Variants in FBXL15 observed in about 807,000 individuals in gnomAD.
FBXL15 encodes the protein F-box and leucine rich repeat protein 15, also known as F-box/LRR-repeat protein 15.
In FBXL15, 19 loss-of-function variants were observed where a neutral mutation model predicts 23.6. The observed-to-expected ratio is 0.81, with a 90% CI of 0.56 to 1.18. The LOEUF (loss-of-function observed/expected upper bound fraction) is 1.18, where lower values mean the gene tolerates loss of function less well. FBXL15 is among the 50% of genes most tolerant of loss of function. FBXL15 has a pLI of 0.00. For synonymous variants in FBXL15, 224 were observed against 207.7 expected (o/e 1.08, Z -0.67); for missense variants, 385 against 425.4 (o/e 0.91, Z 0.83).
intron 1 of FBXL15, 22 bp downstream of exon 1, chr10:102,421,204 G>A (rs369207521): frequency 4.4e-6 from 7 of 1,602,800 alleles, no homozygotes; most frequent in Middle Eastern, 1.7e-4. Flanking sequence ...CGGAGGGGCC[G>A]AGAGGGAAGA....
chr10:102,421,437 G>A lies in FBXL15; in HGVS notation c.137G>A (p.Arg46His). 6.5e-7 allele frequency: 1 copy of A among 1,549,296 alleles called. No homozygotes were observed. Among genetic ancestry groups the A allele is most frequent in the Non-Finnish European group, 8.7e-7 (1 of 1,149,852 alleles). Residue 46 changes from arginine (R) to histidine (H), a missense_variant, in exon 2 of 4, where the codon CGC (arginine) becomes CAC (histidine). By Grantham distance (29) the Arg-to-His change is conservative. This residue lies in a region of FBXL15 where 130 missense variants were observed against 95.1 expected (regional missense o/e 1.37). Transcript: ENST00000369956. ...VPLRQLLRLQ[R>H]VSRAFRSLVQ... ...CTGCGCCAGCTGCTCCGGCTGCAGC[G>A]CGTTAGCCGGGCCTTCCGGTCGCTG...
chr10:102,421,038 G>A lies in FBXL15; in HGVS notation c.-92G>A. The stretch of plus-strand genomic sequence containing the variant: ...GGTGAGACGGCACTCGATTAAATAG[G>A]TCTGTCTCTACAGGCCAAGGAGGCG... On this transcript the variant is annotated 5_prime_UTR_variant, in exon 1 of 4. Coordinates refer to ENST00000369956, the MANE Select transcript of FBXL15 (RefSeq NM_024326.4). The A allele has an allele frequency of 6.4e-7, 1 of 1,551,992 alleles. No individual in the cohort carries two copies. Among genetic ancestry groups the A allele is most frequent in the Non-Finnish European group, 8.7e-7 (1 of 1,147,474 alleles).
intron 3 of FBXL15, 32 bp from the exon 4 acceptor site, chr10:102,422,772 A>G: frequency 6.3e-7 from 1 of 1,580,032 alleles, no homozygotes; most frequent in South Asian, 1.1e-5. Flanking sequence ...TGGTGGCCTC[A>G]TGTCCCTAGC....
chr10:102,423,074 C>T lies in FBXL15; in HGVS notation c.*81C>T. On this transcript the variant is annotated 3_prime_UTR_variant, in exon 4 of 4. Coordinates refer to ENST00000369956, the MANE Select transcript of FBXL15 (RefSeq NM_024326.4). The surrounding 1 kb of genome is among the most constrained non-coding windows in gnomAD (Gnocchi z 5.6). Reference sequence around the variant, plus strand: ...TGTAGGGAAACTGAACTGTGAGGACCTCTGGTGAGAGGCCAGTGCCCTGCC... The same window carrying T: ...TGTAGGGAAACTGAACTGTGAGGACTTCTGGTGAGAGGCCAGTGCCCTGCC... The T allele has an allele frequency of 7.1e-7, 1 of 1,402,588 alleles. No individual in the cohort carries two copies. Among genetic ancestry groups the T allele is most frequent in the Non-Finnish European group, 9.5e-7 (1 of 1,049,536 alleles). The allele number at this position is 1,402,588 out of a possible 1,614,324, so 86.9% of individuals were successfully genotyped here.
In FBXL15 at chr10:102,422,310, G is replaced by A. The variant is rs2061574328; in HGVS notation, c.713+18G>A. 2 of 1,491,584 alleles carry A rather than the reference G, an allele frequency of 1.3e-6. No individual in the cohort carries two copies. Among genetic ancestry groups the A allele is most frequent in the Non-Finnish European group, 1.8e-6 (2 of 1,121,688 alleles). 92.4% of individuals were successfully genotyped at this position (1,491,584 alleles called of 1,614,324 possible). A position where few individuals can be genotyped will look rare whatever the true frequency, so the allele number is the denominator to read the frequency against. On this transcript the variant is annotated intron_variant, in intron 3 of 3. Coordinates refer to ENST00000369956, the MANE Select transcript of FBXL15 (RefSeq NM_024326.4). ...GGTGTCAGGTGCCTGGGCCTGATAG[G>A]GCGGGAGGAGGGCAGTCACTTAGCC...
chr10:102,420,876 A>C lies in FBXL15; in HGVS notation c.-254A>C. On this transcript the variant is annotated 5_prime_UTR_variant, in exon 1 of 4. Transcript: ENST00000369956. ...CTGGCTCAAGAGGACGACAGAAGCC[A>C]GTCTCTGATGCCCACCGCATTCTCC... The C allele has an allele frequency of 7.3e-7, 1 of 1,374,520 alleles. No individual in the cohort carries two copies. Among genetic ancestry groups the C allele is most frequent in the Non-Finnish European group, 9.4e-7 (1 of 1,062,318 alleles). 85.1% of individuals were successfully genotyped at this position (1,374,520 alleles called of 1,614,324 possible). A position where few individuals can be genotyped will look rare whatever the true frequency, so the allele number is the denominator to read the frequency against.
At chr10:102,421,207 A>G in intron 1 of FBXL15, 25 bp downstream of exon 1, 1 of 1,602,288 alleles carries the variant, frequency 6.2e-7, no homozygotes, top group Non-Finnish European at 8.5e-7. Context: ...AGGGGCCGAG[A>G]GGGAAGAGGA....
Sources: allele counts gnomAD v4.1 joint callset, GRCh38; gene constraint gnomAD v4.1.1; regional missense constraint gnomAD v4.1.1; non-coding constraint Gnocchi (gnomAD v3.1); transcripts MANE v1.5; gene names NCBI Gene and HGNC (gene_info 2026-07-23, HGNC 2026-07-21).